Variants in ADAMTSL1 observed in about 807,000 individuals in gnomAD.
The protein encoded by ADAMTSL1 is ADAMTS like 1.
In ADAMTSL1, 126 loss-of-function variants were observed where a neutral mutation model predicts 201.8. That is an observed-to-expected ratio of 0.62 (90% CI 0.54 to 0.72). The LOEUF (loss-of-function observed/expected upper bound fraction) is 0.72, where lower values mean the gene tolerates loss of function less well. Ranked by LOEUF, ADAMTSL1 falls within the 30% of genes least tolerant of loss-of-function variation. ADAMTSL1 has a pLI of 0.00. For synonymous variants in ADAMTSL1, 1,121 were observed against 903.4 expected (o/e 1.24, Z -4.32); for missense variants, 2,679 against 2,277.8 (o/e 1.18, Z -3.59).
chr9:17,916,120 C>T (rs959791365), intron 1 of ADAMTSL1, among the ~76,000 whole-genome samples: 2 of 152,192 alleles, frequency 1.3e-5, no homozygotes, highest in African/African-American at 2.4e-5. Flanking sequence ...CACGTTTTGC[C>T]ATGCTGGCCA....
chr9:18,783,927 T>G (rs550363557), intron 19 of ADAMTSL1, among the ~76,000 whole-genome samples: 1 of 152,364 alleles, frequency 6.6e-6, no homozygotes, highest in East Asian at 1.9e-4. Context: ...CTAGCAAACC[T>G]GTCCATGCTG....
chr9:18,119,999 A>G (rs1274751012), intron 1 of ADAMTSL1, among the ~76,000 whole-genome samples: 1 of 152,178 alleles, frequency 6.6e-6, no homozygotes, highest in East Asian at 1.9e-4. Context: ...TGTGCAACAA[A>G]CTTACCCCAA....
At chr9:18,708,581 G>C (rs181039424) in intron 14 of ADAMTSL1, among the ~76,000 whole-genome samples, 26 of 152,332 alleles carry the variant, frequency 1.7e-4, no homozygotes, top group Non-Finnish European at 3.7e-4. Flanking sequence ...GGAGCTGAGA[G>C]ATCAGGTAGA....
intron 23 of ADAMTSL1, among the ~76,000 whole-genome samples, chr9:18,871,496 C>G (rs897352742): frequency 6.6e-6 from 1 of 152,196 alleles, no homozygotes; most frequent in Non-Finnish European, 1.5e-5. Context: ...TTTGTCCACA[C>G]ATACCTATAA....
At chr9:18,121,910 C>T (rs548656684) in intron 1 of ADAMTSL1, among the ~76,000 whole-genome samples, 1 of 152,222 alleles carries the variant, frequency 6.6e-6, no homozygotes, top group African/African-American at 2.4e-5. Flanking sequence ...TCCCTTGTAC[C>T]AATTTCCCAT....
intron 2 of ADAMTSL1, among the ~76,000 whole-genome samples, chr9:18,516,967 T>C (rs1173349503): frequency 2.0e-5 from 3 of 152,248 alleles, no homozygotes; most frequent in East Asian, 3.8e-4. Flanking sequence ...TGGAGAACTT[T>C]TGTCTCTAGC....
chr9:18,092,148 G>A (rs949871593), intron 1 of ADAMTSL1, among the ~76,000 whole-genome samples: 2 of 152,036 alleles, frequency 1.3e-5, no homozygotes, highest in African/African-American at 4.8e-5. Context: ...TTGGGGCTCG[G>A]CTCTGGGGAA....
rs144729108 is a variant in ADAMTSL1, at chr9:18,626,874, T to TCTTCCTTC, written c.601+4525_601+4532dup. ...TTCTTTCTTTCTTTCTTTCTGTCTT[T>TCTTCCTTC]CTTCCTTCCTTCCTTCCTTCCTTCC... On this transcript the variant is annotated intron_variant, in intron 5 of 28. Transcript: ENST00000380548. 4.4e-4 allele frequency among the ~76,000 whole-genome samples: 50 copies of TCTTCCTTC among 113,018 alleles called. 1 individual carries two copies. The highest frequency in any genetic ancestry group is 1.0e-3 in the Admixed American group (12 of 12,042). 74.1% of individuals were successfully genotyped at this position (113,018 alleles called of 152,430 possible).
At chr9:18,857,885 A>G (rs1826962086) in intron 23 of ADAMTSL1, among the ~76,000 whole-genome samples, 1 of 152,200 alleles carries the variant, frequency 6.6e-6, no homozygotes, top group Non-Finnish European at 1.5e-5. Context: ...TGACACGTTC[A>G]TATCATTCTT....
chr9:17,958,115 C>G (rs759161179), intron 1 of ADAMTSL1, among the ~76,000 whole-genome samples: 56 of 147,258 alleles, frequency 3.8e-4, no homozygotes, highest in Admixed American at 6.7e-5. Context: ...CTCTTCTTTA[C>G]TTCTTCCATT....
chr9:18,330,373 C>A lies in ADAMTSL1; in HGVS notation c.207+166392C>A, dbSNP rs577669332. ...ACTCTTGCATCCATTGGCATTGTAG[C>A]CACCCCCTACAGTGACACAGTTGAG... On this transcript the variant is annotated intron_variant, in intron 2 of 29. Coordinates refer to the ADAMTSL1 transcript ENST00000680146. Among the ~76,000 whole-genome samples, 4 of 152,164 alleles carry A rather than the reference C, an allele frequency of 2.6e-5. No individual in the cohort carries two copies. The South Asian group carries it at 8.3e-4, about 32-fold the overall frequency.
intron 14 of ADAMTSL1, among the ~76,000 whole-genome samples, chr9:18,711,536 G>A (rs1393463448): frequency 4.6e-5 from 7 of 152,064 alleles, no homozygotes; most frequent in African/African-American, 1.2e-4. Flanking sequence ...GCGCTTTTCC[G>A]ACGGGCTTAA....
intron 4 of ADAMTSL1, among the ~76,000 whole-genome samples, chr9:18,611,514 T>G (rs1382713551): frequency 6.6e-6 from 1 of 152,150 alleles, no homozygotes; most frequent in Non-Finnish European, 1.5e-5. Context: ...AATCCAGATG[T>G]GTTTAGCAAA....
intron 1 of ADAMTSL1, among the ~76,000 whole-genome samples, chr9:18,101,745 T>G (rs1223538392): frequency 6.6e-6 from 1 of 152,010 alleles, no homozygotes; most frequent in Non-Finnish European, 1.5e-5. Flanking sequence ...ATAAATGTAT[T>G]AGGTTCGAGT....
intron 16 of ADAMTSL1, among the ~76,000 whole-genome samples, chr9:18,765,248 C>T (rs776715377): frequency 6.6e-6 from 1 of 152,204 alleles, no homozygotes; most frequent in African/African-American, 2.4e-5. Context: ...CATACTCCTA[C>T]AAATTCAGCA....
At chr9:18,006,457 C>T (rs922257612) in intron 1 of ADAMTSL1, among the ~76,000 whole-genome samples, 1 of 151,954 alleles carries the variant, frequency 6.6e-6, no homozygotes, top group Non-Finnish European at 1.5e-5. Context: ...GAGTGTCTGA[C>T]AGGAAGATTC....
At chr9:18,889,476 C>T in intron 24 of ADAMTSL1, 92 bp from the exon 25 acceptor site, 1 of 1,392,326 alleles carries the variant, frequency 7.2e-7, no homozygotes, top group East Asian at 2.5e-5. Context: ...AAATCCACCC[C>T]TGTCACCTTC....
intron 26 of ADAMTSL1, among the ~76,000 whole-genome samples, chr9:18,900,371 A>G (rs1198951987): frequency 1.3e-5 from 2 of 152,342 alleles, no homozygotes; most frequent in Middle Eastern, 3.4e-3. Flanking sequence ...CAGTATGGTG[A>G]TTCATCAAAG....
chr9:18,305,782 T>G (rs1833885790), intron 2 of ADAMTSL1, among the ~76,000 whole-genome samples: 1 of 152,148 alleles, frequency 6.6e-6, no homozygotes, highest in African/African-American at 2.4e-5. Context: ...GGGTGCAGCT[T>G]CAGCAGACTT....
Sources: gnomAD v4.1 joint callset for allele counts (sites outside exome capture counted in the v4.1 genomes callset) on GRCh38, gnomAD v4.1.1 for gene constraint, MANE v1.5 for transcripts, NCBI Gene and HGNC (gene_info 2026-07-23, HGNC 2026-07-21) for gene names.